Variants in MYH11 observed in about 807,000 individuals in gnomAD.
MYH11 encodes myosin heavy chain 11, also known as myosin-11.
MYH11 carries 80 observed loss-of-function variants against 246.6 expected under a neutral mutation model. That is an observed-to-expected ratio of 0.32 (90% confidence interval 0.27 to 0.39). The LOEUF (loss-of-function observed/expected upper bound fraction) is 0.39, where lower values mean the gene tolerates loss of function less well. Among genes scored for constraint, MYH11 ranks in the 10% least tolerant of loss-of-function variants. MYH11 has a pLI of 1.00. For missense variants in MYH11, 2,158 were observed against 2,546.8 expected, an observed-to-expected ratio of 0.85 and a Z score of 3.29; for synonymous variants, 1,071 against 1,015.5, an observed-to-expected ratio of 1.05 and a Z score of -1.04.
At chr16:15,755,408 G>A (rs1364221196) in intron 14 of MYH11, among the ~76,000 whole-genome samples, 3 of 152,192 alleles carry the variant, frequency 2.0e-5, no homozygotes, top group African/African-American at 7.2e-5. Flanking sequence ...GTTGAAGCCA[G>A]GTGTGGATGT....
At chr16:15,765,845 T>G (rs914998991) in intron 9 of MYH11, among the ~76,000 whole-genome samples, 2 of 151,736 alleles carry the variant, frequency 1.3e-5, no homozygotes, top group Non-Finnish European at 3.0e-5. Flanking sequence ...AGAGTCTTTG[T>G]AAACTATGAA....
intron 2 of MYH11, among the ~76,000 whole-genome samples, chr16:15,830,448 C>T (rs1317200169): frequency 1.3e-5 from 2 of 152,184 alleles, no homozygotes; most frequent in East Asian, 1.9e-4. Flanking sequence ...TGTGCAGTGG[C>T]CCTCTCTCTA....
At chr16:15,795,167 G>T (rs2042714497) in intron 4 of MYH11, among the ~76,000 whole-genome samples, 1 of 152,026 alleles carries the variant, frequency 6.6e-6, no homozygotes, top group Non-Finnish European at 1.5e-5. Flanking sequence ...AATTAGCTGG[G>T]CATGATGGCA....
At chr16:15,794,408 T>C (rs6498574) in intron 4 of MYH11, among the ~76,000 whole-genome samples, 63,913 of 152,104 alleles carry the variant, frequency 0.42, 14,699 homozygotes, top group African/African-American at 0.62. Flanking sequence ...ATACAGAGAC[T>C]GAAGATGTTG....
rs75038872 is a variant in MYH11 at position 15,808,908 on chromosome 16, A to C, written c.503-10221T>G. ...ACTCTGTCTCAAAAAATATATAATA[A>C]ATAAAAACATGAAAGCAGAACTGGC... On this transcript the variant is annotated intron_variant, in intron 3 of 40. Coordinates refer to ENST00000300036, the MANE Select transcript of MYH11 (RefSeq NM_002474.3). Among the ~76,000 whole-genome samples, 5 of 152,162 alleles carry C rather than the reference A, an allele frequency of 3.3e-5. No individual in the cohort carries two copies. The East Asian group carries it at 9.7e-4, about 29-fold the overall frequency.
At chr16:15,737,058 G>A (rs1313612601) in intron 25 of MYH11, among the ~76,000 whole-genome samples, 1 of 152,002 alleles carries the variant, frequency 6.6e-6, no homozygotes, top group Non-Finnish European at 1.5e-5. Flanking sequence ...GCCCTTAGAG[G>A]GAGGGGCTGG....
At chr16:15,797,640 A>G (rs745837492) in intron 4 of MYH11, among the ~76,000 whole-genome samples, 1 of 150,604 alleles carries the variant, frequency 6.6e-6, no homozygotes, top group Non-Finnish European at 1.5e-5. Context: ...TATATTCTAT[A>G]TTTTCAAATT....
At chr16:15,710,615 G>C (rs150113973) in intron 40 of MYH11, among the ~76,000 whole-genome samples, 3 of 152,040 alleles carry the variant, frequency 2.0e-5, no homozygotes, top group Non-Finnish European at 2.9e-5. Context: ...TATCCCCATC[G>C]CTCAGCCCAG....
chr16:15,739,095 T>C (rs2151246573), intron 23 of MYH11, among the ~76,000 whole-genome samples: 1 of 151,460 alleles, frequency 6.6e-6, no homozygotes, highest in East Asian at 1.9e-4. Flanking sequence ...TATCCCCCAC[T>C]GCTGTATTCT....
At chr16:15,809,184 C>T (rs921307015) in intron 3 of MYH11, among the ~76,000 whole-genome samples, 2 of 152,128 alleles carry the variant, frequency 1.3e-5, no homozygotes, top group African/African-American at 2.4e-5. Flanking sequence ...TGATTCAATT[C>T]GTATTTACAC....
intron 15 of MYH11, among the ~76,000 whole-genome samples, chr16:15,751,158 T>TATTATC (rs1425581429): frequency 8.7e-4 from 125 of 143,860 alleles, no homozygotes; most frequent in Non-Finnish European, 1.3e-3. Context: ...TTATTATTAT[T>TATTATC]ATCATTATTT....
chr16:15,797,267 A>C (rs772122152), intron 4 of MYH11, among the ~76,000 whole-genome samples: 3 of 152,154 alleles, frequency 2.0e-5, no homozygotes, highest in Non-Finnish European at 2.9e-5. Flanking sequence ...AATTCTAATT[A>C]CTAGTTTTTA....
intron 3 of MYH11, among the ~76,000 whole-genome samples, chr16:15,822,475 T>C (rs1212090984): frequency 6.6e-6 from 1 of 152,062 alleles, no homozygotes; most frequent in African/African-American, 2.4e-5. Flanking sequence ...GGCCAAGAGT[T>C]TGAGACCAAC....
chr16:15,798,557 T>G lies in MYH11; in HGVS notation c.530+103A>C, dbSNP rs56294530. On this transcript the variant is annotated intron_variant, in intron 4 of 40. Transcript: ENST00000300036. ...CTTGGAACCATGAACAAATCAAAGATCTCTGCACTCATGGATCTTTTCTTT... is the reference window on the plus strand; with the variant it reads ...CTTGGAACCATGAACAAATCAAAGAGCTCTGCACTCATGGATCTTTTCTTT... 6,715 of 1,197,384 alleles carry G rather than the reference T, an allele frequency of 5.6e-3. 330 individuals are homozygous for G. The African/African-American group carries it at 0.1, about 18-fold the overall frequency. 74.2% of individuals were successfully genotyped at this position (1,197,384 alleles called of 1,614,324 possible).
chr16:15,712,895 T>TTTTTTTTTTTA (rs1567680276), intron 40 of MYH11: 1 of 148,746 alleles, frequency 6.7e-6, no homozygotes, highest in African/African-American at 2.5e-5. Context: ...TTTTTTTTTT[T>TTTTTTTTTTTA]GAGACCGAGT....
At chr16:15,717,752 CGCCACTGCACTCCAGCCTGG>C in intron 37 of MYH11, 1 of 298,852 alleles carries the variant, frequency 3.3e-6, no homozygotes, top group African/African-American at 2.2e-5. Flanking sequence ...GCCAAGATTG[CGCCACTGCACTCCAGCCTGG>C]GCCACAGAGA....
intron 40 of MYH11, 45 bp from the exon 41 acceptor site, chr16:15,704,168 T>C: frequency 1.2e-6 from 2 of 1,610,344 alleles, no homozygotes; most frequent in Non-Finnish European, 1.7e-6. Context: ...GAAATCTTCA[T>C]GGTTGGGATA....
intron 40 of MYH11, among the ~76,000 whole-genome samples, chr16:15,707,907 G>T (rs2039545442): frequency 6.8e-6 from 1 of 146,216 alleles, no homozygotes; most frequent in Admixed American, 7.1e-5. Context: ...AGGAGGCAAA[G>T]GTTGCGGTGA....
chr16:15,814,553 CAAAAAAAAAA>C lies in MYH11; in HGVS notation c.502+8692_502+8701del, dbSNP rs58806731. Among the ~76,000 whole-genome samples the C allele has an allele frequency of 1.9e-3, 44 of 22,812 alleles. No homozygotes were observed. In the South Asian group the frequency reaches 0.027, roughly 14 times the overall value. The allele number at this position is 22,812 out of a possible 152,430, so 15.0% of individuals were successfully genotyped here. On this transcript the variant is annotated intron_variant, in intron 3 of 40. Transcript: ENST00000300036. ...GGACAACGAGAGTGAAACTCCATCT[CAAAAAAAAAA>C]AAAAAAAAAAAAAAAAAAAAAGGTA...
Sources: allele counts gnomAD v4.1 joint callset (sites outside exome capture counted in the v4.1 genomes callset), GRCh38; gene constraint gnomAD v4.1.1; transcripts MANE v1.5; gene names NCBI Gene and HGNC (gene_info 2026-07-23, HGNC 2026-07-21).